CCDC181: variants seen among roughly 807,000 people sequenced by gnomAD.
CCDC181 encodes coiled-coil domain-containing protein 181.
CCDC181 carries 35 observed loss-of-function variants against 58.7 expected under a neutral mutation model. That is an observed-to-expected ratio of 0.60 (90% CI 0.46 to 0.79). The LOEUF (loss-of-function observed/expected upper bound fraction) is 0.79. Among genes scored for constraint, CCDC181 ranks in the 30% least tolerant of loss-of-function variants. The pLI is 0.00. For synonymous variants in CCDC181, 183 were observed against 197.5 expected (o/e 0.93, Z 0.62); for missense variants, 517 against 583.9 (o/e 0.89, Z 1.18).
In CCDC181 at chr1:169,445,999, T is replaced by C. The variant is rs1166243333; in HGVS notation, c.-24+13798A>G. Reference sequence around the variant, plus strand: ...GTGTTTTCTCTCTTTTGTCCTTGGTTGGTTTGGCTTGAAGTTTATTGATTT... The same window carrying C: ...GTGTTTTCTCTCTTTTGTCCTTGGTCGGTTTGGCTTGAAGTTTATTGATTT... On this transcript the variant is annotated intron_variant, in intron 2 of 6. Transcript: ENST00000545005. Among the ~76,000 whole-genome samples, 3 of 152,170 alleles carry C rather than the reference T, an allele frequency of 2.0e-5. No individual in the cohort carries two copies. In the East Asian group the frequency reaches 5.8e-4, roughly 29 times the overall value.
intron 2 of CCDC181, among the ~76,000 whole-genome samples, chr1:169,455,622 G>T (rs1425939621): frequency 1.3e-5 from 2 of 152,112 alleles, no homozygotes; most frequent in Admixed American, 1.3e-4. Context: ...AGAGATATTA[G>T]TGGATAATTG....
chr1:169,397,455 T>A lies in CCDC181; in HGVS notation c.1216-64A>T. 3 of 1,374,044 alleles carry A rather than the reference T, an allele frequency of 2.2e-6. No homozygotes were observed. In the African/African-American group the frequency reaches 4.4e-5, roughly 20 times the overall value. 85.1% of individuals were successfully genotyped at this position (1,374,044 alleles called of 1,614,324 possible). On this transcript the variant is annotated intron_variant, in intron 4 of 5. Coordinates refer to ENST00000367806, the MANE Select transcript of CCDC181 (RefSeq NM_001300969.2). ...AAGAACTACATTTTGAAGCCCTGCT[T>A]ATGGGATCCTACAAGAATATATTTC...
Position 169,419,010 on chromosome 1 carries a change from TACTC to T in CCDC181, c.1214_1215+2del. 6.2e-7 allele frequency: 1 copy of T among 1,608,564 alleles called. No homozygotes were observed. The highest frequency in any genetic ancestry group is 1.3e-5 in the African/African-American group (1 of 74,912). On this transcript the variant is annotated splice_donor_variant and coding_sequence_variant, in exon 4 of 6. Transcript: ENST00000367806. LOFTEE classifies it high-confidence loss of function. ...ACTTATTTTTCAGAGAAGTTTTACT[TACTC>T]TACTGTTCATGTCTTCAATTTCCTT... is the stretch of plus-strand genomic sequence containing the variant.
At chr1:169,456,919 T>A (rs910502611) in intron 2 of CCDC181, among the ~76,000 whole-genome samples, 1 of 152,176 alleles carries the variant, frequency 6.6e-6, no homozygotes, top group Middle Eastern at 3.2e-3. Flanking sequence ...CCTATTAGGG[T>A]CTTGTTCATT....
In CCDC181 at chr1:169,413,391, G is replaced by A. The variant is rs1338614259; in HGVS notation, c.1215+5622C>T. On this transcript the variant is annotated intron_variant, in intron 4 of 5. Transcript: ENST00000367806. ...CAATAGATGCTGGAGAGGATGTGGA[G>A]AAATAGGAATTCTTTTACAGTGTTG... Among the ~76,000 whole-genome samples, 3 of 152,198 alleles carry A rather than the reference G, an allele frequency of 2.0e-5. No homozygotes were observed. The East Asian group carries it at 5.8e-4, about 29-fold the overall frequency.
intron 2 of CCDC181, among the ~76,000 whole-genome samples, chr1:169,458,169 A>ATTTT (rs1397141241): frequency 7.3e-5 from 8 of 110,164 alleles, no homozygotes; most frequent in East Asian, 7.8e-4. Flanking sequence ...GGCAAAAGTA[A>ATTTT]TTTTTGTTTT....
Position 169,421,354 on chromosome 1 carries a change from G to A in CCDC181, c.1068+9C>T. On this transcript the variant is annotated intron_variant, in intron 3 of 5. Coordinates refer to ENST00000367806, the MANE Select transcript of CCDC181 (RefSeq NM_001300969.2). ...CTACTTTTAATATAATGCCCACTTA[G>A]GTTCTCACCTCTCTTTTCAGTTTTT... 3 of 1,580,296 alleles carry A rather than the reference G, an allele frequency of 1.9e-6. No homozygotes were observed. The highest frequency in any genetic ancestry group is 2.6e-6 in the Non-Finnish European group (3 of 1,159,632).
intron 2 of CCDC181, among the ~76,000 whole-genome samples, chr1:169,455,476 A>G (rs981182489): frequency 2.0e-5 from 3 of 152,160 alleles, no homozygotes; most frequent in Admixed American, 1.3e-4. Context: ...TCATACTGCT[A>G]TACTTCAAAA....
chr1:169,419,069 C>A lies in CCDC181; in HGVS notation c.1159G>T (p.Val387Phe), dbSNP rs747183879. The A allele has an allele frequency of 8.1e-6, 13 of 1,613,558 alleles. No individual in the cohort carries two copies. In the Admixed American group the frequency reaches 1.5e-4, roughly 19 times the overall value. The change falls in exon 4 of 6, where the codon GTC becomes TTC. Residue 387 changes from valine (V) to phenylalanine (F), a missense_variant. Transcript: ENST00000367806. The stretch of plus-strand genomic sequence containing the variant: ...CGCTGAATTCTCCTCATTTCTAAGA[C>A]CTGCTCTCTTTTCTTTTGCAACCAC... ...KAWLQKKREQ[V>F]LEMRRIQRAK...
At chr1:169,411,329 C>T (rs999125313) in intron 4 of CCDC181, among the ~76,000 whole-genome samples, 2 of 152,150 alleles carry the variant, frequency 1.3e-5, no homozygotes, top group African/African-American at 4.8e-5. Flanking sequence ...CCTCCCAAGA[C>T]TAAACCAGAA....
Position 169,421,710 on chromosome 1 carries a change from G to C in CCDC181, c.721C>G (p.Pro241Ala). ...TCTGTACTATTTGCATTATTAATGG[G>C]AGGCAAAAACCCCTGACTGGCAATG... The part of the protein sequence containing the change: ...QDIASQGFLP[P>A]INNANSTEND... The change falls in exon 3 of 6, where the codon CCC becomes GCC. Residue 241 changes from proline (P) to alanine (A), a missense_variant. Pro to Ala is a conservative substitution (Grantham distance 27, BLOSUM62 -1). Coordinates refer to ENST00000367806, the MANE Select transcript of CCDC181 (RefSeq NM_001300969.2). 2 of 1,613,992 alleles carry C rather than the reference G, an allele frequency of 1.2e-6. No individual in the cohort carries two copies. Among genetic ancestry groups the C allele is most frequent in the Non-Finnish European group, 1.7e-6 (2 of 1,179,980 alleles).
At chr1:169,447,769 A>G (rs1657415703) in intron 2 of CCDC181, among the ~76,000 whole-genome samples, 1 of 152,040 alleles carries the variant, frequency 6.6e-6, no homozygotes. Flanking sequence ...TATCTTGATC[A>G]TTTTCCTTGT....
At chr1:169,452,021 T>C (rs1657555530) in intron 2 of CCDC181, among the ~76,000 whole-genome samples, 1 of 151,730 alleles carries the variant, frequency 6.6e-6, no homozygotes, top group Admixed American at 6.6e-5. Context: ...GCACTAGATA[T>C]ATATAAATTT....
intron 4 of CCDC181, among the ~76,000 whole-genome samples, chr1:169,414,920 A>T (rs892776222): frequency 1.3e-5 from 2 of 152,322 alleles, no homozygotes; most frequent in African/African-American, 4.8e-5. Context: ...TTAGTTTGTG[A>T]TACTATTTCT....
At chr1:169,395,603 C>T (rs1211685665) in intron 5 of CCDC181, among the ~76,000 whole-genome samples, 1 of 152,108 alleles carries the variant, frequency 6.6e-6, no homozygotes, top group African/African-American at 2.4e-5. Context: ...GTTAAGAATA[C>T]TATCATGCAG....
rs142802093 is a variant in CCDC181 at position 169,448,773 on chromosome 1, T to C, written c.-24+11024A>G. ...TTCTTCTGTCCCATTCACTCCTTCTTCTCTTTTGGTATTTCAACAATGTGT... is the reference window on the plus strand; with the variant it reads ...TTCTTCTGTCCCATTCACTCCTTCTCCTCTTTTGGTATTTCAACAATGTGT... On this transcript the variant is annotated intron_variant, in intron 2 of 6. Transcript: ENST00000545005. 2.4e-3 allele frequency among the ~76,000 whole-genome samples: 362 copies of C among 152,294 alleles called. 1 individual carries two copies. Among genetic ancestry groups the C allele is most frequent in the Non-Finnish European group, 3.7e-3 (249 of 67,992 alleles).
At chr1:169,405,831 G>A (rs918577628) in intron 4 of CCDC181, among the ~76,000 whole-genome samples, 1 of 152,152 alleles carries the variant, frequency 6.6e-6, no homozygotes, top group African/African-American at 2.4e-5. Context: ...AAGAGCTTCT[G>A]CACAGCAAAA....
chr1:169,422,829 C>A (rs1436586515), intron 2 of CCDC181, among the ~76,000 whole-genome samples: 2 of 151,660 alleles, frequency 1.3e-5, no homozygotes, highest in African/African-American at 4.8e-5. Context: ...TATCTAAATT[C>A]CAGGTCAATT....
At chr1:169,432,777 AG>A (rs1656954964) in intron 2 of CCDC181, among the ~76,000 whole-genome samples, 1 of 152,150 alleles carries the variant, frequency 6.6e-6, no homozygotes, top group African/African-American at 2.4e-5. Context: ...ATGCAGAAAA[AG>A]CATTAAATTC....
Sources: gnomAD v4.1 joint callset for allele counts (sites outside exome capture counted in the v4.1 genomes callset) on GRCh38, gnomAD v4.1.1 for gene constraint, MANE v1.5 for transcripts, NCBI Gene and HGNC (gene_info 2026-07-23, HGNC 2026-07-21) for gene names.